The following CSMD1 variants were observed in gnomAD, a reference collection of about 807,000 sequenced individuals.
CSMD1 encodes the protein CUB and sushi domain-containing protein 1.
Under a neutral mutation model 417.5 loss-of-function variants are expected in CSMD1, and 213 were observed. The observed-to-expected ratio is 0.51, with a 90% CI of 0.46 to 0.57. The LOEUF (loss-of-function observed/expected upper bound fraction) is 0.57. Among genes scored for constraint, CSMD1 ranks in the 20% least tolerant of loss-of-function variants. The probability of loss-of-function intolerance (pLI) is 0.00; values close to 1 mark genes in which losing one functional copy is unlikely to be tolerated. For missense variants in CSMD1, 6,923 were observed against 4,529.7 expected (o/e 1.53, Z -15.17); for synonymous variants, 2,862 against 1,736.8 (o/e 1.65, Z -16.11).
intron 62 of CSMD1, among the ~76,000 whole-genome samples, chr8:2,958,819 T>C (rs1387499939): frequency 3.3e-5 from 5 of 152,242 alleles, no homozygotes; most frequent in South Asian, 4.1e-4. Flanking sequence ...TAACCAGTTA[T>C]TTAATTCCCT....
At chr8:4,380,435 C>T (rs957020301) in intron 3 of CSMD1, among the ~76,000 whole-genome samples, 3 of 152,108 alleles carry the variant, frequency 2.0e-5, no homozygotes, top group African/African-American at 7.2e-5. Context: ...AGAGAATTTC[C>T]ACAGAATGGT....
chr8:4,232,799 C>T (rs1224786583), intron 3 of CSMD1, among the ~76,000 whole-genome samples: 2 of 152,160 alleles, frequency 1.3e-5, no homozygotes, highest in African/African-American at 4.8e-5. Flanking sequence ...AATTGAATGT[C>T]AGGTGCCTCG....
chr8:4,568,769 C>G (rs111572695), intron 2 of CSMD1, among the ~76,000 whole-genome samples: 2 of 152,148 alleles, frequency 1.3e-5, no homozygotes, highest in African/African-American at 2.4e-5. Context: ...TCTCCATAAC[C>G]TCTCCAGCAT....
intron 8 of CSMD1, among the ~76,000 whole-genome samples, chr8:3,616,347 C>G (rs1802136746): frequency 6.6e-6 from 1 of 152,094 alleles, no homozygotes; most frequent in Non-Finnish European, 1.5e-5. Context: ...CATTCTTCTC[C>G]TTCCTGTCAC....
intron 8 of CSMD1, among the ~76,000 whole-genome samples, chr8:3,603,740 G>C (rs1479205938): frequency 6.6e-6 from 1 of 151,990 alleles, no homozygotes; most frequent in Non-Finnish European, 1.5e-5. Flanking sequence ...CTGATATATG[G>C]GCTTGATTCT....
At chr8:4,616,797 A>T (rs959634043) in intron 2 of CSMD1, among the ~76,000 whole-genome samples, 1 of 152,216 alleles carries the variant, frequency 6.6e-6, no homozygotes, top group Admixed American at 6.5e-5. Flanking sequence ...TAGAATCCAG[A>T]GGAAAAAACT....
chr8:3,224,125 A>G (rs1188817954), intron 27 of CSMD1, among the ~76,000 whole-genome samples: 2 of 152,242 alleles, frequency 1.3e-5, no homozygotes, highest in Non-Finnish European at 2.9e-5. Context: ...AACTTCTGAC[A>G]CAAAAAATTT....
At chr8:3,176,662 T>G (rs1820954139) in intron 37 of CSMD1, among the ~76,000 whole-genome samples, 1 of 152,186 alleles carries the variant, frequency 6.6e-6, no homozygotes, top group African/African-American at 2.4e-5. Flanking sequence ...CCCTCCCACT[T>G]TAACAACGTA....
At chr8:4,330,367 G>A (rs959485841) in intron 3 of CSMD1, among the ~76,000 whole-genome samples, 1 of 151,838 alleles carries the variant, frequency 6.6e-6, no homozygotes, top group Non-Finnish European at 1.5e-5. Flanking sequence ...GGACTAGTCA[G>A]GCAGATCACT....
At chr8:4,902,089 G>C (rs1338657412) in intron 1 of CSMD1, among the ~76,000 whole-genome samples, 1 of 151,964 alleles carries the variant, frequency 6.6e-6, no homozygotes, top group Non-Finnish European at 1.5e-5. Context: ...TATATTTGTT[G>C]ATTTTCATCT....
intron 3 of CSMD1, among the ~76,000 whole-genome samples, chr8:4,049,097 C>G (rs1435785094): frequency 1.3e-5 from 2 of 152,070 alleles, no homozygotes; most frequent in African/African-American, 4.8e-5. Flanking sequence ...TTTTTTCTAT[C>G]CTGCTCTCTC....
chr8:4,788,879 A>G (rs1475029111), intron 1 of CSMD1, among the ~76,000 whole-genome samples: 1 of 152,228 alleles, frequency 6.6e-6, no homozygotes, highest in East Asian at 1.9e-4. Context: ...ACTCCAGGGC[A>G]GGCACATGCC....
intron 1 of CSMD1, among the ~76,000 whole-genome samples, chr8:4,790,353 C>T (rs1222276102): frequency 2.0e-5 from 3 of 152,110 alleles, no homozygotes. Flanking sequence ...AAAAACATTC[C>T]ATGCTCATGG....
chr8:3,568,414 CAAAG>C (rs529586787), intron 10 of CSMD1, among the ~76,000 whole-genome samples: 7 of 151,924 alleles, frequency 4.6e-5, no homozygotes, highest in African/African-American at 7.3e-5. Flanking sequence ...AAGCTGGAAA[CAAAG>C]AAAAAGAAAA....
chr8:4,063,598 C>A (rs1218044382), intron 3 of CSMD1, among the ~76,000 whole-genome samples: 1 of 152,174 alleles, frequency 6.6e-6, no homozygotes, highest in Non-Finnish European at 1.5e-5. Flanking sequence ...TGACAAGGTG[C>A]CACGTACGTT....
chr8:4,944,277 G>T (rs1808219877), intron 1 of CSMD1, among the ~76,000 whole-genome samples: 2 of 152,204 alleles, frequency 1.3e-5, no homozygotes, highest in Admixed American at 6.5e-5. Context: ...ATTCTATACT[G>T]TGAGTATTAT....
At chr8:3,479,077 A>C (rs1430447943) in intron 11 of CSMD1, among the ~76,000 whole-genome samples, 5 of 152,130 alleles carry the variant, frequency 3.3e-5, no homozygotes, top group African/African-American at 1.2e-4. Flanking sequence ...CACCAGCAGA[A>C]AGCAGTGGAG....
chr8:2,944,847 C>CTT (rs34552861), intron 68 of CSMD1, among the ~76,000 whole-genome samples: 18 of 152,016 alleles, frequency 1.2e-4, no homozygotes, highest in Admixed American at 5.9e-4. Flanking sequence ...ACCACAGTTA[C>CTT]TTTTTTTAAT....
In CSMD1 at chr8:4,254,224, T is replaced by C. The variant is rs549431994; in HGVS notation, c.415+165729A>G. On this transcript the variant is annotated intron_variant, in intron 3 of 69. Transcript: ENST00000635120. ...GAGCCACCACGCCAAGCCTTTCCTT[T>C]TATCTTTAGCTTTCCCTCTCTTCAC... 2.5e-4 allele frequency among the ~76,000 whole-genome samples: 38 copies of C among 152,214 alleles called. No individual in the cohort carries two copies. The South Asian group carries it at 6.0e-3, about 24-fold the overall frequency.
Sources: gnomAD v4.1 joint callset for allele counts (sites outside exome capture counted in the v4.1 genomes callset) on GRCh38, gnomAD v4.1.1 for gene constraint, MANE v1.5 for transcripts, NCBI Gene and HGNC (gene_info 2026-07-23, HGNC 2026-07-21) for gene names.